SGMS1: variants seen among roughly 807,000 people sequenced by gnomAD.
The protein encoded by SGMS1 is phosphatidylcholine:ceramide cholinephosphotransferase 1.
In SGMS1, 13 loss-of-function variants were observed where a neutral mutation model predicts 46.2. That is an observed-to-expected ratio of 0.28 (90% confidence interval 0.18 to 0.45). The LOEUF is 0.45. Among genes scored for constraint, SGMS1 ranks in the 20% least tolerant of loss-of-function variants. The pLI, the probability that SGMS1 is intolerant of heterozygous loss-of-function variation, is 1.00. For missense variants in SGMS1, 324 were observed against 519.9 expected, an observed-to-expected ratio of 0.62 and a Z score of 3.66; for synonymous variants, 203 against 187.8, an observed-to-expected ratio of 1.08 and a Z score of -0.66.
intron 2 of SGMS1, among the ~76,000 whole-genome samples, chr10:50,549,995 A>G (rs1327215669): frequency 6.6e-6 from 1 of 152,218 alleles, no homozygotes; most frequent in South Asian, 2.1e-4. Context: ...AGAAAGTTCA[A>G]CGGGAAATAA....
intron 2 of SGMS1, among the ~76,000 whole-genome samples, chr10:50,561,060 C>T (rs1838232350): frequency 6.6e-6 from 1 of 152,070 alleles, no homozygotes; most frequent in Non-Finnish European, 1.5e-5. Flanking sequence ...AACTTTGGAA[C>T]CCATAGTTTA....
At chr10:50,533,336 C>T (rs7911643) in intron 2 of SGMS1, among the ~76,000 whole-genome samples, 7,425 of 151,928 alleles carry the variant, frequency 0.049, 533 homozygotes, top group African/African-American at 0.16. Flanking sequence ...GTTTTTTTCC[C>T]CTTAATTCAA....
intron 6 of SGMS1, among the ~76,000 whole-genome samples, chr10:50,356,106 G>A (rs900289001): frequency 6.6e-6 from 1 of 152,216 alleles, no homozygotes; most frequent in Non-Finnish European, 1.5e-5. Flanking sequence ...ATGCAGTTTT[G>A]TCGAATAGAA....
intron 6 of SGMS1, among the ~76,000 whole-genome samples, chr10:50,410,554 C>T (rs1849081526): frequency 1.3e-5 from 2 of 152,092 alleles, no homozygotes; most frequent in African/African-American, 4.8e-5. Context: ...CATGAAGTGG[C>T]CAAATTACCA....
chr10:50,417,072 G>A (rs1314396764), intron 6 of SGMS1, among the ~76,000 whole-genome samples: 1 of 152,014 alleles, frequency 6.6e-6, no homozygotes, highest in Non-Finnish European at 1.5e-5. Flanking sequence ...TTACTGGGAC[G>A]TCTTTAACCT....
At chr10:50,431,675 A>G (rs1159654766) in intron 6 of SGMS1, among the ~76,000 whole-genome samples, 2 of 152,174 alleles carry the variant, frequency 1.3e-5, no homozygotes, top group Non-Finnish European at 2.9e-5. Flanking sequence ...CCTAGAGGCA[A>G]TTGGGTTTCC....
intron 1 of SGMS1, among the ~76,000 whole-genome samples, chr10:50,622,671 G>C (rs1838864889): frequency 6.6e-6 from 1 of 152,240 alleles, no homozygotes; most frequent in South Asian, 2.1e-4. Context: ...ACTGTTTGAA[G>C]GTGAAAAGAA....
upstream of SGMS1, chr10:50,624,984 G>C (rs1410091583): frequency 2.0e-5 from 21 of 1,036,348 alleles, no homozygotes; most frequent in Non-Finnish European, 2.3e-5. Context: ...GCGGGCGCTC[G>C]GAACCGACCT....
intron 6 of SGMS1, among the ~76,000 whole-genome samples, chr10:50,416,065 A>G (rs929226471): frequency 1.3e-5 from 2 of 152,222 alleles, no homozygotes; most frequent in Non-Finnish European, 2.9e-5. Flanking sequence ...AATATTTGAA[A>G]GCCGTAGCCT....
At chr10:50,377,850 C>A (rs1260207943) in intron 6 of SGMS1, among the ~76,000 whole-genome samples, 2 of 152,178 alleles carry the variant, frequency 1.3e-5, no homozygotes, top group Admixed American at 1.3e-4. Context: ...GATTTGTGGC[C>A]ACATCACTCC....
chr10:50,547,802 C>T (rs760553159), intron 2 of SGMS1, among the ~76,000 whole-genome samples: 57 of 152,000 alleles, frequency 3.8e-4, no homozygotes, highest in Non-Finnish European at 6.9e-4. Context: ...AAGAAAATAC[C>T]GGCAAACCAA....
chr10:50,421,157 A>G (rs890017865), intron 6 of SGMS1, among the ~76,000 whole-genome samples: 2 of 152,194 alleles, frequency 1.3e-5, no homozygotes, highest in African/African-American at 4.8e-5. Context: ...TATCAAAAAA[A>G]AGTGACGGTG....
At chr10:50,358,704 T>G (rs1029163390) in intron 6 of SGMS1, among the ~76,000 whole-genome samples, 2 of 152,132 alleles carry the variant, frequency 1.3e-5, no homozygotes, top group Non-Finnish European at 2.9e-5. Context: ...TCAAAAAAAG[T>G]AAATAATAAC....
intron 2 of SGMS1, among the ~76,000 whole-genome samples, chr10:50,578,244 A>T (rs866955693): frequency 2.6e-5 from 4 of 152,220 alleles, no homozygotes; most frequent in Non-Finnish European, 5.9e-5. Flanking sequence ...CCACAAATAC[A>T]GCCCCGCTCC....
At chr10:50,578,439 G>A (rs1328351009) in intron 2 of SGMS1, among the ~76,000 whole-genome samples, 2 of 152,010 alleles carry the variant, frequency 1.3e-5, no homozygotes, top group East Asian at 3.9e-4. Flanking sequence ...CATCAATAAG[G>A]ATTTTTTTCT....
chr10:50,318,088 G>A (rs1443382218), intron 8 of SGMS1, among the ~76,000 whole-genome samples: 2 of 152,162 alleles, frequency 1.3e-5, no homozygotes, highest in Admixed American at 6.5e-5. Flanking sequence ...TTACAGGCGT[G>A]AGCCAACTTG....
At chr10:50,563,562 T>C (rs868220549) in intron 2 of SGMS1, among the ~76,000 whole-genome samples, 56 of 150,650 alleles carry the variant, frequency 3.7e-4, no homozygotes, top group African/African-American at 1.2e-3. Context: ...GCTAAAACGG[T>C]GAAACCCCGT....
At chr10:50,515,253 G>A (rs12264511) in intron 3 of SGMS1, among the ~76,000 whole-genome samples, 6,545 of 152,170 alleles carry the variant, frequency 0.043, 480 homozygotes, top group African/African-American at 0.15. Context: ...TCAGAGCCTG[G>A]TCACTTGTCT....
intron 2 of SGMS1, among the ~76,000 whole-genome samples, chr10:50,577,082 T>G (rs754120936): frequency 2.6e-5 from 4 of 152,214 alleles, no homozygotes; most frequent in Non-Finnish European, 5.9e-5. Flanking sequence ...AGGTTTAGTT[T>G]CTTTGGCTGG....
Sources: gnomAD v4.1 joint callset for allele counts (sites outside exome capture counted in the v4.1 genomes callset) on GRCh38, gnomAD v4.1.1 for gene constraint, MANE v1.5 for transcripts, NCBI Gene and HGNC (gene_info 2026-07-23, HGNC 2026-07-21) for gene names.